The following WDPCP variants were observed in gnomAD, a reference collection of about 807,000 sequenced individuals.
WDPCP encodes the protein WD repeat containing planar cell polarity effector.
In WDPCP, 71 loss-of-function variants were observed where a neutral mutation model predicts 93.1. That is an observed-to-expected ratio of 0.76 (90% CI 0.63 to 0.93). WDPCP has a LOEUF of 0.93. Among genes scored for constraint, WDPCP ranks in the 40% least tolerant of loss-of-function variants. WDPCP has a pLI of 0.00. For synonymous variants in WDPCP, 315 were observed against 315.0 expected (o/e 1.00, Z 0.00); for missense variants, 844 against 887.4 (o/e 0.95, Z 0.62).
intron 1 of WDPCP, among the ~76,000 whole-genome samples, chr2:63,498,361 C>A (rs1701350688): frequency 6.6e-6 from 1 of 152,116 alleles, no homozygotes; most frequent in South Asian, 2.1e-4. Context: ...ATACAGGGGA[C>A]AATCTATGAT....
chr2:63,366,145 TG>T (rs891061971), intron 12 of WDPCP, among the ~76,000 whole-genome samples: 2 of 152,132 alleles, frequency 1.3e-5, no homozygotes, highest in African/African-American at 4.8e-5. Context: ...GTTTGATATG[TG>T]GGGTTCTGTT....
intron 2 of WDPCP, among the ~76,000 whole-genome samples, chr2:63,491,012 C>G (rs1168503121): frequency 6.6e-6 from 1 of 152,056 alleles, no homozygotes; most frequent in East Asian, 1.9e-4. Flanking sequence ...AAATTTTGAC[C>G]AGCAGTAAAA....
chr2:63,770,151 G>A (rs567504424), intron 2 of WDPCP, among the ~76,000 whole-genome samples: 7 of 151,962 alleles, frequency 4.6e-5, no homozygotes, highest in East Asian at 1.9e-4. Context: ...GATAACCTAC[G>A]GTTCTAAGGA....
chr2:63,643,210 C>T (rs1040327273), intron 3 of WDPCP: 1 of 207,678 alleles, frequency 4.8e-6, no homozygotes, highest in Non-Finnish European at 9.7e-6. Flanking sequence ...TTTCTTCATG[C>T]TATATTATCT....
At chr2:63,450,096 C>T (rs1177494607) in intron 6 of WDPCP, among the ~76,000 whole-genome samples, 2 of 152,156 alleles carry the variant, frequency 1.3e-5, no homozygotes, top group Non-Finnish European at 2.9e-5. Context: ...TGAGAAGTGA[C>T]CGTGCCTCAA....
At chr2:63,420,372 A>C (rs1289341270) in intron 9 of WDPCP, among the ~76,000 whole-genome samples, 1 of 147,904 alleles carries the variant, frequency 6.8e-6, no homozygotes, top group Non-Finnish European at 1.5e-5. Context: ...AAAAAAAAAA[A>C]AAAACAGAAA....
chr2:63,474,374 T>G (rs953492176), intron 6 of WDPCP, among the ~76,000 whole-genome samples: 2 of 152,070 alleles, frequency 1.3e-5, no homozygotes, highest in Non-Finnish European at 2.9e-5. Flanking sequence ...CATAAGATGG[T>G]TCTCAATTTT....
chr2:63,251,780 C>T (rs549254404), intron 14 of WDPCP, among the ~76,000 whole-genome samples: 9 of 151,732 alleles, frequency 5.9e-5, no homozygotes, highest in South Asian at 4.2e-4. Context: ...CGTGAGCCAC[C>T]GTGCCTAGCC....
At chr2:63,595,959 G>A (rs902614533) in intron 3 of WDPCP, among the ~76,000 whole-genome samples, 2 of 152,160 alleles carry the variant, frequency 1.3e-5, no homozygotes, top group African/African-American at 2.4e-5. Flanking sequence ...TGCTCTGGAA[G>A]TTGGTTGGTT....
rs200378703 is a variant in WDPCP, at chr2:63,153,540, C to G, written c.2113G>C (p.Asp705His). 2 of 1,612,354 alleles carry G rather than the reference C, an allele frequency of 1.2e-6. No individual in the cohort carries two copies. The highest frequency in any genetic ancestry group is 8.5e-7 in the Non-Finnish European group (1 of 1,179,146). The change falls in exon 16 of 18, where the codon GAC becomes CAC. Residue 705 changes from aspartate to histidine, a missense_variant. Physicochemically the swap from Asp to His is moderately conservative, Grantham distance 81. Transcript: ENST00000272321. ...IIDRRNELEK[D>H]ICSGFLMTNT... ...GTCATCAAAAATCCAGAACAGATGT[C>G]TTTTTCAAGTTCATTCCTTCTGTCA...
intron 10 of WDPCP, chr2:63,403,823 A>G (rs1378169539): frequency 3.5e-6 from 2 of 563,470 alleles, no homozygotes; most frequent in Non-Finnish European, 6.1e-6. Context: ...CTTTTGAAGC[A>G]TCATGATTGA....
At chr2:63,361,705 G>A (rs1428254777) in intron 12 of WDPCP, among the ~76,000 whole-genome samples, 1 of 152,076 alleles carries the variant, frequency 6.6e-6, no homozygotes, top group East Asian at 1.9e-4. Context: ...TCATTTGTTT[G>A]TTGTTGTTGT....
At chr2:63,331,507 T>A (rs1687973969) in intron 12 of WDPCP, among the ~76,000 whole-genome samples, 1 of 152,190 alleles carries the variant, frequency 6.6e-6, no homozygotes, top group East Asian at 1.9e-4. Flanking sequence ...ATCTCGAATG[T>A]TTTAATCACC....
chr2:63,698,944 C>CTGGAA (rs1669000043), intron 2 of WDPCP, among the ~76,000 whole-genome samples: 1 of 152,210 alleles, frequency 6.6e-6, no homozygotes, highest in South Asian at 2.1e-4. Flanking sequence ...AGTTCCTGGA[C>CTGGAA]TTCCAGCCCA....
At chr2:63,167,582 A>C (rs1354911620) in intron 15 of WDPCP, among the ~76,000 whole-genome samples, 1 of 152,198 alleles carries the variant, frequency 6.6e-6, no homozygotes, top group Non-Finnish European at 1.5e-5. Context: ...GGTTCTTGTT[A>C]AACATTGCTG....
intron 2 of WDPCP, among the ~76,000 whole-genome samples, chr2:63,691,117 C>T (rs1029089217): frequency 2.0e-5 from 3 of 152,178 alleles, no homozygotes; most frequent in African/African-American, 4.8e-5. Context: ...CTAAATCTCA[C>T]GTGGGCACCC....
At chr2:63,578,013 A>G (rs758519812) in intron 1 of WDPCP, among the ~76,000 whole-genome samples, 56 of 152,096 alleles carry the variant, frequency 3.7e-4, no homozygotes, top group Non-Finnish European at 5.7e-4. Flanking sequence ...ACTGCAAACA[A>G]TCTACACAGA....
chr2:63,769,246 C>T (rs1208099822), intron 2 of WDPCP, among the ~76,000 whole-genome samples: 2 of 151,630 alleles, frequency 1.3e-5, no homozygotes, highest in Non-Finnish European at 2.9e-5. Flanking sequence ...TTATGTAGGA[C>T]AGAGAACAGA....
At chr2:63,761,766 T>A (rs1028465091) in intron 2 of WDPCP, among the ~76,000 whole-genome samples, 1 of 152,084 alleles carries the variant, frequency 6.6e-6, no homozygotes, top group Non-Finnish European at 1.5e-5. Flanking sequence ...GCCCACTGAC[T>A]CAAATGTTAA....
Sources: allele counts gnomAD v4.1 joint callset (sites outside exome capture counted in the v4.1 genomes callset), GRCh38; gene constraint gnomAD v4.1.1; transcripts MANE v1.5; gene names NCBI Gene and HGNC (gene_info 2026-07-23, HGNC 2026-07-21).